The following NPAS3 variants were observed in gnomAD, a reference collection of about 807,000 sequenced individuals.
NPAS3 encodes neuronal PAS domain-containing protein 3.
NPAS3 carries 14 observed loss-of-function variants against 73.1 expected under a neutral mutation model. The observed-to-expected ratio is 0.19, with a 90% CI of 0.13 to 0.30. NPAS3 has a LOEUF of 0.30. NPAS3 is among the 10% of genes least tolerant of loss of function. NPAS3 has a pLI of 1.00. For synonymous variants in NPAS3, 620 were observed against 541.5 expected, an observed-to-expected ratio of 1.14 and a Z score of -2.01; for missense variants, 1,096 against 1,250.0, an observed-to-expected ratio of 0.88 and a Z score of 1.86.
At chr14:33,094,755 C>T (rs367929641) in intron 2 of NPAS3, among the ~76,000 whole-genome samples, 7 of 152,176 alleles carry the variant, frequency 4.6e-5, no homozygotes, top group African/African-American at 1.2e-4. Flanking sequence ...TGTGAGCCAC[C>T]GCGCCAGGCT....
intron 4 of NPAS3, among the ~76,000 whole-genome samples, chr14:33,527,382 C>T (rs1473383944): frequency 6.6e-6 from 1 of 152,168 alleles, no homozygotes; most frequent in Non-Finnish European, 1.5e-5. Flanking sequence ...AACAACTGTA[C>T]AATTTGCATG....
chr14:33,056,944 AGT>A (rs2138542039), intron 2 of NPAS3, among the ~76,000 whole-genome samples: 1 of 152,334 alleles, frequency 6.6e-6, no homozygotes, highest in South Asian at 2.1e-4. Flanking sequence ...CTTTTGTAGT[AGT>A]GTGACTATTG....
chr14:33,531,718 G>T (rs1478101606), intron 4 of NPAS3, among the ~76,000 whole-genome samples: 1 of 151,906 alleles, frequency 6.6e-6, no homozygotes, highest in Non-Finnish European at 1.5e-5. Context: ...TGCATTACGT[G>T]GTGTGTGTGT....
rs187671583 is a variant in NPAS3 at position 33,262,340 on chromosome 14, T to A, written c.385+46914T>A. Among the ~76,000 whole-genome samples, 286 of 152,340 alleles carry A rather than the reference T, an allele frequency of 1.9e-3. 4 individuals are homozygous for A. Among genetic ancestry groups the A allele is most frequent in the South Asian group, 0.016 (75 of 4,832 alleles). The stretch of plus-strand genomic sequence containing the variant: ...ATAAGTGTAGGCAATACAGTTCTAC[T>A]TTTTGCTCCATTGTTTTAGATTTCC... On this transcript the variant is annotated intron_variant, in intron 3 of 11. Transcript: ENST00000356141.
chr14:33,480,099 A>G (rs567346763), intron 4 of NPAS3, among the ~76,000 whole-genome samples: 4 of 152,190 alleles, frequency 2.6e-5, no homozygotes, highest in Non-Finnish European at 5.9e-5. Context: ...TATAAGTAGT[A>G]TATGTACTAG....
intron 9 of NPAS3, among the ~76,000 whole-genome samples, chr14:33,789,690 G>A (rs1260327027): frequency 3.5e-5 from 5 of 143,902 alleles, no homozygotes; most frequent in African/African-American, 7.9e-5. Flanking sequence ...CCGGGTTCAC[G>A]CCATTCTCCT....
chr14:32,998,818 T>C (rs1159141433), intron 1 of NPAS3, among the ~76,000 whole-genome samples: 1 of 152,210 alleles, frequency 6.6e-6, no homozygotes, highest in Admixed American at 6.5e-5. Context: ...TGCTGGCTCC[T>C]CTATGAAGTG....
intron 4 of NPAS3, among the ~76,000 whole-genome samples, chr14:33,386,064 T>C (rs531685234): frequency 8.1e-6 from 1 of 124,170 alleles, no homozygotes; most frequent in South Asian, 2.5e-4. Flanking sequence ...ACATCTGTAA[T>C]TGAGAATTTT....
At position 33,051,296 on chromosome 14, in the gene NPAS3, A is replaced by AAAAAAAAAAAAAAAG. The variant is rs771840433; in HGVS notation, c.51-4608_51-4607insAAAAAAAAAAAAAGA. ...ACTCCGTCTCAAAAAAAAAAAAAAA[A>AAAAAAAAAAAAAAAG]AGAGAGACTAAAGAACTTCCCCACT... On this transcript the variant is annotated intron_variant, in intron 1 of 11. Coordinates refer to ENST00000356141, the Ensembl canonical transcript of NPAS3. Among the ~76,000 whole-genome samples, 85 of 142,552 alleles carry AAAAAAAAAAAAAAAG rather than the reference A, an allele frequency of 6.0e-4. 1 individual carries two copies. The highest frequency in any genetic ancestry group is 1.8e-3 in the African/African-American group (66 of 36,178). 93.5% of individuals were successfully genotyped at this position (142,552 alleles called of 152,430 possible). A position where few individuals can be genotyped will look rare whatever the true frequency, so the allele number is the denominator to read the frequency against.
At chr14:33,042,249 C>T (rs1388574127) in intron 1 of NPAS3, among the ~76,000 whole-genome samples, 1 of 152,020 alleles carries the variant, frequency 6.6e-6, no homozygotes, top group South Asian at 2.1e-4. Flanking sequence ...TGGGGATATT[C>T]CAACTAGATG....
chr14:33,737,010 T>C (rs1030008585), intron 7 of NPAS3, among the ~76,000 whole-genome samples: 2 of 152,192 alleles, frequency 1.3e-5, no homozygotes, highest in African/African-American at 4.8e-5. Flanking sequence ...ATTCCTAAAG[T>C]GTTTTTGTTT....
At chr14:33,162,739 C>T (rs769742371) in intron 2 of NPAS3, among the ~76,000 whole-genome samples, 1 of 152,062 alleles carries the variant, frequency 6.6e-6, no homozygotes, top group Admixed American at 6.5e-5. Flanking sequence ...TTGACAGAAC[C>T]TCCTCTCTTT....
At chr14:33,216,774 G>C (rs1057149137) in intron 3 of NPAS3, among the ~76,000 whole-genome samples, 8 of 152,178 alleles carry the variant, frequency 5.3e-5, no homozygotes, top group Admixed American at 1.3e-4. Flanking sequence ...GAAGACCACT[G>C]CTCTAGAGTG....
chr14:33,060,299 G>T (rs1200638734), intron 2 of NPAS3, among the ~76,000 whole-genome samples: 1 of 152,190 alleles, frequency 6.6e-6, no homozygotes, highest in African/African-American at 2.4e-5. Context: ...AGAGTGGGGT[G>T]TCTTTAAAGC....
chr14:33,276,452 T>C (rs1039768885), intron 3 of NPAS3, among the ~76,000 whole-genome samples: 5 of 152,152 alleles, frequency 3.3e-5, no homozygotes, highest in Admixed American at 2.0e-4. Context: ...CTCCCTATTA[T>C]GAACAATAAT....
rs919433741 is a variant in NPAS3, at chr14:33,087,177, G to T, written c.140+31183G>T. ...ACAATATAATATTGTATAATATATA[G>T]TATACAATATAATATTGTATAATAA... On this transcript the variant is annotated intron_variant, in intron 2 of 11. Transcript: ENST00000356141. 8.3e-3 allele frequency among the ~76,000 whole-genome samples: 1,056 copies of T among 127,610 alleles called. 9 individuals carry two copies. The highest frequency in any genetic ancestry group is 0.011 in the Non-Finnish European group (670 of 62,256). The allele number at this position is 127,610 out of a possible 152,430, so 83.7% of individuals were successfully genotyped here.
chr14:33,723,714 CA>C (rs10577101), intron 6 of NPAS3, among the ~76,000 whole-genome samples: 98,808 of 143,648 alleles, frequency 0.69, 34,433 homozygotes, highest in African/African-American at 0.75. Context: ...TACTTCCTCT[CA>C]AAAAAAAAAA....
chr14:33,633,814 T>G (rs2058442464), intron 5 of NPAS3, among the ~76,000 whole-genome samples: 1 of 152,008 alleles, frequency 6.6e-6, no homozygotes, highest in Non-Finnish European at 1.5e-5. Context: ...ACTCCATCTC[T>G]ACAAAAAATA....
Position 32,956,992 on chromosome 14 carries a change from C to T in NPAS3, c.50+17626C>T, listed in dbSNP as rs147485976. Among the ~76,000 whole-genome samples, 13 of 152,244 alleles carry T rather than the reference C, an allele frequency of 8.5e-5. No homozygotes were observed. The East Asian group carries it at 2.5e-3, about 29-fold the overall frequency. On this transcript the variant is annotated intron_variant, in intron 1 of 11. Coordinates refer to ENST00000356141, the Ensembl canonical transcript of NPAS3. Reference sequence around the variant, plus strand: ...AGTGAGAGCACTGAGTTCCACAAACCAATATAACCATGAATGGCTATTTGG... The same window carrying T: ...AGTGAGAGCACTGAGTTCCACAAACTAATATAACCATGAATGGCTATTTGG...
Sources: gnomAD v4.1 joint callset for allele counts (sites outside exome capture counted in the v4.1 genomes callset) on GRCh38, gnomAD v4.1.1 for gene constraint, MANE v1.5 for transcripts, NCBI Gene and HGNC (gene_info 2026-07-23, HGNC 2026-07-21) for gene names.